The following KMT2C variants were observed in gnomAD, a reference collection of about 807,000 sequenced individuals.
KMT2C encodes lysine methyltransferase 2C, also known as histone-lysine N-methyltransferase 2C.
KMT2C carries 88 observed loss-of-function variants against 507.9 expected under a neutral mutation model. The ratio of observed to expected loss-of-function variants is 0.17; its 90% confidence interval spans 0.15 to 0.21. The LOEUF (loss-of-function observed/expected upper bound fraction) is 0.21, where lower values mean the gene tolerates loss of function less well. KMT2C is among the 10% of genes least tolerant of loss of function. KMT2C has a pLI of 1.00. For synonymous variants in KMT2C, 2,049 were observed against 2,080.8 expected (o/e 0.98, Z 0.42); for missense variants, 4,954 against 5,957.8 (o/e 0.83, Z 5.55).
intron 6 of KMT2C, among the ~76,000 whole-genome samples, chr7:152,297,715 C>T (rs2096529431): frequency 6.6e-6 from 1 of 152,064 alleles, no homozygotes; most frequent in African/African-American, 2.4e-5. Context: ...TCAACTACAT[C>T]TCAAAACAAA....
At chr7:152,147,967 A>C (rs1408497743) in intron 52 of KMT2C, 66 bp downstream of exon 52, 1 of 1,465,436 alleles carries the variant, frequency 6.8e-7, no homozygotes, top group African/African-American at 1.4e-5. Flanking sequence ...AAAATTGACA[A>C]AATACATTCA....
intron 1 of KMT2C, among the ~76,000 whole-genome samples, chr7:152,396,911 A>G (rs912068581): frequency 1.2e-4 from 19 of 152,354 alleles, no homozygotes; most frequent in African/African-American, 4.6e-4. Context: ...ATCTTCCAGA[A>G]TATGTCCACA....
chr7:152,315,653 A>G lies in KMT2C; in HGVS notation c.390-315T>C, dbSNP rs190240416. Reference sequence around the variant, plus strand: ...AAAAAAATCCAAGTAAGAAAGCTAAAGGTGGGGGCCAAGCACGGTGGCTCA... The same window carrying G: ...AAAAAAATCCAAGTAAGAAAGCTAAGGGTGGGGGCCAAGCACGGTGGCTCA... On this transcript the variant is annotated intron_variant, in intron 3 of 58. Transcript: ENST00000262189. Among the ~76,000 whole-genome samples the G allele has an allele frequency of 1.1e-4, 16 of 152,308 alleles. No homozygotes were observed. The East Asian group carries it at 3.1e-3, about 29-fold the overall frequency.
intron 39 of KMT2C, among the ~76,000 whole-genome samples, chr7:152,173,491 C>A (rs2093056546): frequency 6.6e-6 from 1 of 152,008 alleles, no homozygotes; most frequent in Non-Finnish European, 1.5e-5. Context: ...AAAAAATTAC[C>A]CCATAATTCT....
At chr7:152,364,930 GACAGACACACACACAC>G (rs2097228025) in intron 1 of KMT2C, among the ~76,000 whole-genome samples, 1 of 130,206 alleles carries the variant, frequency 7.7e-6, no homozygotes, top group African/African-American at 3.1e-5. Flanking sequence ...ATCTGAAACA[GACAGACACACACACAC>G]ACACACACAC....
intron 35 of KMT2C, 134 bp downstream of exon 35, chr7:152,182,840 G>T (rs1199154182): frequency 1.5e-6 from 1 of 685,454 alleles, no homozygotes; most frequent in Non-Finnish European, 2.3e-6. Flanking sequence ...ATATTTTACT[G>T]AAAAGAGAAA....
chr7:152,178,112 A>G (rs552524543), intron 37 of KMT2C, 102 bp from the exon 38 acceptor site: 2 of 1,206,760 alleles, frequency 1.7e-6, no homozygotes, highest in African/African-American at 3.2e-5. Context: ...AACTGTACAT[A>G]CAAAATGTTG....
chr7:152,395,141 C>T, intron 1 of KMT2C, among the ~76,000 whole-genome samples: 1 of 152,104 alleles, frequency 6.6e-6, no homozygotes, highest in East Asian at 1.9e-4. Flanking sequence ...TATAATCCCA[C>T]TTAATATGAC....
At chr7:152,417,075 A>G (rs990636134) in intron 1 of KMT2C, among the ~76,000 whole-genome samples, 2 of 150,526 alleles carry the variant, frequency 1.3e-5, no homozygotes, top group Non-Finnish European at 3.0e-5. Context: ...AAAAGAGTTT[A>G]TATTTATCTC....
intron 3 of KMT2C, among the ~76,000 whole-genome samples, chr7:152,319,639 C>T (rs1235713460): frequency 6.6e-6 from 1 of 152,050 alleles, no homozygotes; most frequent in Non-Finnish European, 1.5e-5. Flanking sequence ...ATCAGTCAGG[C>T]CCGCCCGCAG....
intron 1 of KMT2C, among the ~76,000 whole-genome samples, chr7:152,398,518 G>C (rs1387648185): frequency 3.3e-5 from 5 of 152,138 alleles, no homozygotes; most frequent in African/African-American, 1.2e-4. Flanking sequence ...GAAATGTGGG[G>C]CAAAACAGGG....
At chr7:152,359,997 T>C (rs1283476106) in intron 1 of KMT2C, among the ~76,000 whole-genome samples, 1 of 121,054 alleles carries the variant, frequency 8.3e-6, no homozygotes, top group Non-Finnish European at 1.6e-5. Flanking sequence ...TGCAGTGAGC[T>C]GATATCATGC....
intron 2 of KMT2C, among the ~76,000 whole-genome samples, chr7:152,338,302 A>G (rs2096957429): frequency 6.6e-6 from 1 of 152,234 alleles, no homozygotes. Flanking sequence ...TAGAATGGTT[A>G]TTTACCAAAC....
rs777079362 is a variant in KMT2C at position 152,150,855 on chromosome 7, T to C, written c.12774+45A>G. On this transcript the variant is annotated intron_variant, in intron 51 of 58. Coordinates refer to ENST00000262189, the MANE Select transcript of KMT2C (RefSeq NM_170606.3). ...CTCCCATATGCCCAGAACACAGAAGTCACTCGTTACACATTGTTATCAGCT... is the reference window on the plus strand; with the variant it reads ...CTCCCATATGCCCAGAACACAGAAGCCACTCGTTACACATTGTTATCAGCT... 7 of 1,291,300 alleles carry C rather than the reference T, an allele frequency of 5.4e-6. No individual in the cohort carries two copies. In the South Asian group the frequency reaches 7.2e-5, roughly 13 times the overall value. The allele number at this position is 1,291,300 out of a possible 1,614,324, so 80.0% of individuals were successfully genotyped here.
At chr7:152,248,665 T>A in intron 13 of KMT2C, 45 bp from the exon 14 acceptor site, 1 of 1,263,342 alleles carries the variant, frequency 7.9e-7, no homozygotes, top group Non-Finnish European at 1.1e-6. Context: ...CAAACAAATT[T>A]TAAATTTTCT....
chr7:152,164,511 G>A (rs1353298154), intron 42 of KMT2C, among the ~76,000 whole-genome samples: 1 of 151,738 alleles, frequency 6.6e-6, no homozygotes, highest in African/African-American at 2.4e-5. Context: ...GGATGGTCTC[G>A]ATCTCCTGAC....
intron 43 of KMT2C, 135 bp downstream of exon 43, chr7:152,161,982 T>C (rs1397117765): frequency 4.0e-6 from 4 of 1,001,138 alleles, no homozygotes; most frequent in Admixed American, 3.6e-5. Context: ...GAGGTAGAAA[T>C]GACAAAATAA....
At chr7:152,421,626 G>T (rs907221209) in intron 1 of KMT2C, among the ~76,000 whole-genome samples, 3 of 152,166 alleles carry the variant, frequency 2.0e-5, no homozygotes, top group Admixed American at 1.3e-4. Flanking sequence ...ATTCGTAAGC[G>T]AATTAATTAA....
At chr7:152,190,796 C>G (rs925331765) in intron 31 of KMT2C, among the ~76,000 whole-genome samples, 3 of 152,040 alleles carry the variant, frequency 2.0e-5, no homozygotes, top group African/African-American at 7.3e-5. Flanking sequence ...TACACTTTGC[C>G]TCCCCTTTCT....
Sources: gnomAD v4.1 joint callset for allele counts (sites outside exome capture counted in the v4.1 genomes callset) on GRCh38, gnomAD v4.1.1 for gene constraint, MANE v1.5 for transcripts, NCBI Gene and HGNC (gene_info 2026-07-23, HGNC 2026-07-21) for gene names.